Variants in PCDH9 observed in about 807,000 individuals in gnomAD.
PCDH9 encodes the protein protocadherin 9.
In PCDH9, 24 loss-of-function variants were observed where a neutral mutation model predicts 70.6. That is an observed-to-expected ratio of 0.34 (90% CI 0.25 to 0.48). The LOEUF (loss-of-function observed/expected upper bound fraction) is 0.48. Among genes scored for constraint, PCDH9 ranks in the 20% least tolerant of loss-of-function variants. PCDH9 has a pLI of 0.99. For synonymous variants in PCDH9, 562 were observed against 558.5 expected, an observed-to-expected ratio of 1.01 and a Z score of -0.09; for missense variants, 1,281 against 1,503.6, an observed-to-expected ratio of 0.85 and a Z score of 2.45.
chr13:66,629,999 C>T (rs9571607), intron 4 of PCDH9, among the ~76,000 whole-genome samples: 54,609 of 151,806 alleles, frequency 0.36, 10,907 homozygotes, highest in East Asian at 0.6. Flanking sequence ...TTCCTACTTC[C>T]ACCATAGAAA....
At chr13:67,093,276 G>A (rs1188276949) in intron 2 of PCDH9, among the ~76,000 whole-genome samples, 19 of 152,062 alleles carry the variant, frequency 1.2e-4, no homozygotes, top group Non-Finnish European at 2.9e-5. Context: ...CCAACATGGT[G>A]AAACCCCATC....
At chr13:67,110,444 G>A (rs1417425919) in intron 2 of PCDH9, among the ~76,000 whole-genome samples, 3 of 147,852 alleles carry the variant, frequency 2.0e-5, no homozygotes, top group Non-Finnish European at 4.4e-5. Flanking sequence ...AACCCAGGAG[G>A]CTGAGGTTAC....
At chr13:67,214,935 G>GATATATACATATAT (rs2089556929) in intron 2 of PCDH9, 1 of 89,248 alleles carries the variant, frequency 1.1e-5, no homozygotes, top group African/African-American at 4.5e-5. Flanking sequence ...TTGCGAGCCA[G>GATATATACATATAT]ATATATATAT....
chr13:66,678,525 T>C (rs1276449713), intron 3 of PCDH9, among the ~76,000 whole-genome samples: 1 of 152,068 alleles, frequency 6.6e-6, no homozygotes, highest in Admixed American at 6.6e-5. Context: ...TCTTATACAA[T>C]ACCTATTTTA....
At chr13:66,856,275 A>C (rs2081393045) in intron 3 of PCDH9, among the ~76,000 whole-genome samples, 1 of 152,040 alleles carries the variant, frequency 6.6e-6, no homozygotes. Flanking sequence ...AAGAAGAGTA[A>C]AACACACTGC....
intron 4 of PCDH9, among the ~76,000 whole-genome samples, chr13:66,326,384 TTTC>T (rs147532442): frequency 0.024 from 3,530 of 149,646 alleles, 156 homozygotes; most frequent in African/African-American, 0.084. Flanking sequence ...TGTAATGTGT[TTTC>T]TTCTTCTTCT....
intron 4 of PCDH9, among the ~76,000 whole-genome samples, chr13:66,527,123 T>C (rs1337946922): frequency 6.9e-6 from 1 of 144,060 alleles, no homozygotes. Context: ...ATCAGTCTTA[T>C]TGTACATTCC....
At chr13:66,764,966 GTC>G (rs1242719548) in intron 3 of PCDH9, among the ~76,000 whole-genome samples, 4 of 151,670 alleles carry the variant, frequency 2.6e-5, no homozygotes, top group Non-Finnish European at 4.4e-5. Context: ...AATTTTTTCT[GTC>G]TCTGTCTCTC....
chr13:67,229,027 A>G (rs1321535865), intron 1 of PCDH9, among the ~76,000 whole-genome samples: 1 of 152,148 alleles, frequency 6.6e-6, no homozygotes, highest in East Asian at 1.9e-4. Flanking sequence ...TGAGTCACCT[A>G]TCTTTTCTAA....
chr13:66,966,125 G>A (rs1339854810), intron 2 of PCDH9, among the ~76,000 whole-genome samples: 1 of 151,978 alleles, frequency 6.6e-6, no homozygotes, highest in Admixed American at 6.6e-5. Context: ...TGGAGATTAG[G>A]GGTTTTAAGC....
Position 66,408,050 on chromosome 13 carries a change from C to CT in PCDH9, c.3341-103023dup, listed in dbSNP as rs34109335. Among the ~76,000 whole-genome samples, 660 of 132,218 alleles carry CT rather than the reference C, an allele frequency of 5.0e-3. 7 individuals are homozygous for CT. Among genetic ancestry groups the CT allele is most frequent in the South Asian group, 8.7e-3 (36 of 4,128 alleles). 86.7% of individuals were successfully genotyped at this position (132,218 alleles called of 152,430 possible). A position where few individuals can be genotyped will look rare whatever the true frequency, so the allele number is the denominator to read the frequency against. ...AACAAAGTTTTATCAGCAGGGATCA[C>CT]TTTTTTTTTTTTTTTTTTTGAGACG... On this transcript the variant is annotated intron_variant, in intron 4 of 4. Coordinates refer to ENST00000377865, the MANE Select transcript of PCDH9 (RefSeq NM_203487.3).
chr13:66,561,141 G>C (rs1457171035), intron 4 of PCDH9, among the ~76,000 whole-genome samples: 4 of 152,346 alleles, frequency 2.6e-5, no homozygotes, highest in Admixed American at 2.6e-4. Flanking sequence ...CGTGTGCTGG[G>C]CAGGCCCCGC....
At chr13:66,402,097 T>C (rs1593919029) in intron 4 of PCDH9, among the ~76,000 whole-genome samples, 1 of 152,074 alleles carries the variant, frequency 6.6e-6, no homozygotes, top group East Asian at 1.9e-4. Context: ...TGCTTGAAAA[T>C]AAATAAATAA....
At chr13:66,652,372 C>G (rs935441301) in intron 3 of PCDH9, among the ~76,000 whole-genome samples, 24 of 151,990 alleles carry the variant, frequency 1.6e-4, no homozygotes, top group Admixed American at 2.6e-4. Flanking sequence ...AAAATAATCC[C>G]ATGTACGACA....
chr13:66,464,420 T>C (rs564775996), intron 4 of PCDH9, among the ~76,000 whole-genome samples: 1 of 151,976 alleles, frequency 6.6e-6, no homozygotes, highest in African/African-American at 2.4e-5. Flanking sequence ...CAGCTATACC[T>C]GAAAAGCTTC....
intron 4 of PCDH9, among the ~76,000 whole-genome samples, chr13:66,550,821 C>A (rs937045912): frequency 6.6e-6 from 1 of 152,110 alleles, no homozygotes; most frequent in Non-Finnish European, 1.5e-5. Flanking sequence ...TATCAACGAA[C>A]ACTCATTCTT....
chr13:66,584,595 C>T (rs1184111536), intron 4 of PCDH9, among the ~76,000 whole-genome samples: 1 of 152,010 alleles, frequency 6.6e-6, no homozygotes, highest in Non-Finnish European at 1.5e-5. Context: ...TTATTTAAAC[C>T]CAAATATATA....
intron 4 of PCDH9, among the ~76,000 whole-genome samples, chr13:66,391,987 G>C (rs546944557): frequency 6.6e-6 from 1 of 150,892 alleles, no homozygotes; most frequent in African/African-American, 2.4e-5. Context: ...GGTAACTGCT[G>C]TTATAGGAAA....
intron 3 of PCDH9, among the ~76,000 whole-genome samples, chr13:66,766,024 TTATA>T (rs1397411575): frequency 3.3e-5 from 5 of 152,096 alleles, no homozygotes; most frequent in East Asian, 1.9e-4. Context: ...GGGGGATCTC[TTATA>T]TAGTCTATTT....
Sources: allele counts gnomAD v4.1 joint callset (sites outside exome capture counted in the v4.1 genomes callset), GRCh38; gene constraint gnomAD v4.1.1; transcripts MANE v1.5; gene names NCBI Gene and HGNC (gene_info 2026-07-23, HGNC 2026-07-21).